The following L3MBTL4 variants were observed in gnomAD, a reference collection of about 807,000 sequenced individuals.
L3MBTL4 encodes lethal(3)malignant brain tumor-like protein 4.
In L3MBTL4, 70 loss-of-function variants were observed where a neutral mutation model predicts 84.5. That is an observed-to-expected ratio of 0.83 (90% CI 0.68 to 1.01). L3MBTL4 has a LOEUF of 1.01. L3MBTL4 is among the 50% of genes least tolerant of loss of function. L3MBTL4 has a pLI of 0.00. For missense variants in L3MBTL4, 715 were observed against 754.8 expected (o/e 0.95, Z 0.62); for synonymous variants, 274 against 259.8 (o/e 1.05, Z -0.52).
chr18:6,319,220 T>G (rs2051277955), intron 1 of L3MBTL4, among the ~76,000 whole-genome samples: 2 of 151,894 alleles, frequency 1.3e-5, no homozygotes, highest in African/African-American at 4.8e-5. Flanking sequence ...CTCAAGGAAC[T>G]ATGAGAGAAG....
Position 6,100,218 on chromosome 18 carries a change from G to T in L3MBTL4, c.1200-6690C>A, listed in dbSNP as rs970945108. ...AACTAAATGAGATAATCCATGCAAG[G>T]CCTCACATAGTGACCAGCACAAATT... On this transcript the variant is annotated intron_variant, in intron 14 of 18. Coordinates refer to ENST00000317931, the MANE Select transcript of L3MBTL4 (RefSeq NM_001330559.2). Among the ~76,000 whole-genome samples, 6 of 152,168 alleles carry T rather than the reference G, an allele frequency of 3.9e-5. No individual in the cohort carries two copies. In the East Asian group the frequency reaches 7.7e-4, roughly 20 times the overall value.
intron 7 of L3MBTL4, among the ~76,000 whole-genome samples, chr18:6,241,758 T>C (rs560944261): frequency 2.0e-5 from 3 of 152,206 alleles, no homozygotes; most frequent in Non-Finnish European, 4.4e-5. Context: ...TTTCACATGC[T>C]CTGATACGGA....
intron 12 of L3MBTL4, among the ~76,000 whole-genome samples, chr18:6,184,791 T>C (rs912493906): frequency 2.0e-5 from 3 of 152,136 alleles, no homozygotes; most frequent in African/African-American, 7.2e-5. Context: ...CCACATCTCA[T>C]ACAGTCAGAA....
At chr18:6,300,461 A>AGT (rs1358960672) in intron 4 of L3MBTL4, among the ~76,000 whole-genome samples, 2 of 152,184 alleles carry the variant, frequency 1.3e-5, no homozygotes, top group Admixed American at 6.5e-5. Context: ...ACACAGCAAA[A>AGT]AGTTACTTTC....
intron 14 of L3MBTL4, among the ~76,000 whole-genome samples, chr18:6,101,231 T>C (rs1044781777): frequency 9.9e-5 from 15 of 152,166 alleles, no homozygotes; most frequent in African/African-American, 3.6e-4. Context: ...GTCCAGGATA[T>C]ATGAGGAGAA....
At chr18:6,200,842 T>C (rs2145650514) in intron 12 of L3MBTL4, among the ~76,000 whole-genome samples, 1 of 152,352 alleles carries the variant, frequency 6.6e-6, no homozygotes, top group South Asian at 2.1e-4. Context: ...ATAGCTCCTC[T>C]TTTAAGAAAT....
intron 13 of L3MBTL4, 83 bp from the exon 14 acceptor site, chr18:6,138,379 AAG>A: frequency 1.2e-6 from 1 of 806,816 alleles, no homozygotes; most frequent in Non-Finnish European, 2.0e-6. Flanking sequence ...GATGCTAATT[AAG>A]ACTTTACAAA....
chr18:6,323,300 GA>G (rs2051523422), intron 1 of L3MBTL4, among the ~76,000 whole-genome samples: 1 of 152,196 alleles, frequency 6.6e-6, no homozygotes, highest in East Asian at 1.9e-4. Flanking sequence ...TGAAAATGTG[GA>G]AACAGCTTTG....
At chr18:5,967,033 C>T (rs563175871) in intron 17 of L3MBTL4, among the ~76,000 whole-genome samples, 2 of 152,292 alleles carry the variant, frequency 1.3e-5, no homozygotes, top group East Asian at 1.9e-4. Flanking sequence ...CACCTCTTCT[C>T]GTCTTATTCT....
At chr18:6,300,841 C>G (rs567940599) in intron 4 of L3MBTL4, among the ~76,000 whole-genome samples, 1 of 152,160 alleles carries the variant, frequency 6.6e-6, no homozygotes, top group African/African-American at 2.4e-5. Flanking sequence ...CAATTCATTT[C>G]TAAAATCCCA....
intron 16 of L3MBTL4, among the ~76,000 whole-genome samples, chr18:5,999,544 A>C (rs1034445627): frequency 1.4e-4 from 21 of 152,256 alleles, no homozygotes; most frequent in African/African-American, 4.6e-4. Context: ...AGTCATTTTA[A>C]ACATGCTAAT....
At chr18:6,388,064 A>T (rs992904978) in intron 1 of L3MBTL4, among the ~76,000 whole-genome samples, 2 of 152,158 alleles carry the variant, frequency 1.3e-5, no homozygotes, top group African/African-American at 4.8e-5. Flanking sequence ...TAACAATATG[A>T]TACCCTTTTA....
chr18:6,014,610 A>G (rs989495841), intron 16 of L3MBTL4, among the ~76,000 whole-genome samples: 1 of 152,082 alleles, frequency 6.6e-6, no homozygotes, highest in Non-Finnish European at 1.5e-5. Flanking sequence ...AGGTGAGAGG[A>G]GCCTGGAGGA....
At chr18:6,093,312 A>G in intron 15 of L3MBTL4, 43 bp downstream of exon 15, 1 of 1,493,506 alleles carries the variant, frequency 6.7e-7, no homozygotes, top group Non-Finnish European at 9.0e-7. Context: ...TTACTATTCT[A>G]CATGGTTTAC....
intron 5 of L3MBTL4, among the ~76,000 whole-genome samples, chr18:6,248,436 G>A (rs1240813460): frequency 6.6e-6 from 1 of 152,094 alleles, no homozygotes; most frequent in Admixed American, 6.5e-5. Context: ...TGTTCAATTT[G>A]CTTTCAGTTC....
intron 14 of L3MBTL4, among the ~76,000 whole-genome samples, chr18:6,127,644 G>A (rs968409215): frequency 6.6e-6 from 1 of 152,228 alleles, no homozygotes; most frequent in African/African-American, 2.4e-5. Context: ...GCTGGCAGAT[G>A]AGAGAAGTGA....
chr18:6,152,168 T>C (rs1041902735), intron 13 of L3MBTL4, among the ~76,000 whole-genome samples: 1 of 152,198 alleles, frequency 6.6e-6, no homozygotes, highest in African/African-American at 2.4e-5. Flanking sequence ...TCTTTGCTAT[T>C]GTGAATAATG....
intron 16 of L3MBTL4, among the ~76,000 whole-genome samples, chr18:5,982,278 C>A (rs569196377): frequency 6.6e-6 from 1 of 152,158 alleles, no homozygotes; most frequent in African/African-American, 2.4e-5. Context: ...GCCACCCCAC[C>A]CTTTTCTTAA....
intron 15 of L3MBTL4, among the ~76,000 whole-genome samples, chr18:6,091,865 G>A (rs761095172): frequency 2.6e-5 from 4 of 152,066 alleles, no homozygotes; most frequent in African/African-American, 7.2e-5. Flanking sequence ...GATTAAGGGC[G>A]AACGGATGTA....
Sources: allele counts gnomAD v4.1 joint callset (sites outside exome capture counted in the v4.1 genomes callset), GRCh38; gene constraint gnomAD v4.1.1; transcripts MANE v1.5; gene names NCBI Gene and HGNC (gene_info 2026-07-23, HGNC 2026-07-21).